The following SCPPPQ1 variants were observed in gnomAD, a reference collection of about 807,000 sequenced individuals.
SCPPPQ1 encodes the protein secretory calcium-binding phosphoprotein proline- and glutamine-rich 1.
chr4:87,470,266 C>T, the SCPPPQ1 span, among the ~76,000 whole-genome samples: 1 of 152,272 alleles, frequency 6.6e-6, no homozygotes, highest in South Asian at 2.1e-4. Flanking sequence ...GTGCTCAATT[C>T]TACTCACAAA....
the SCPPPQ1 span, among the ~76,000 whole-genome samples, chr4:87,465,253 T>C: frequency 3.9e-5 from 6 of 152,156 alleles, no homozygotes; most frequent in Non-Finnish European, 8.8e-5. Context: ...AATTAAGTGC[T>C]TTTTCTACTG....
At chr4:87,467,040 TG>T in the SCPPPQ1 span, among the ~76,000 whole-genome samples, 1 of 152,208 alleles carries the variant, frequency 6.6e-6, no homozygotes, top group African/African-American at 2.4e-5. Context: ...CCCATGCACT[TG>T]CTGTTCCTCT....
At chr4:87,465,233 T>C in the SCPPPQ1 span, among the ~76,000 whole-genome samples, 1 of 152,298 alleles carries the variant, frequency 6.6e-6, no homozygotes, top group Non-Finnish European at 1.5e-5. Flanking sequence ...CTCCAGATCA[T>C]TTAACTTCAA....
the SCPPPQ1 span, among the ~76,000 whole-genome samples, chr4:87,467,512 A>G: frequency 6.6e-3 from 1,003 of 152,306 alleles, 7 homozygotes; most frequent in African/African-American, 0.023. Flanking sequence ...ATATTATAGA[A>G]AGAAGTATTC....
the SCPPPQ1 span, among the ~76,000 whole-genome samples, chr4:87,462,520 T>C: frequency 6.6e-6 from 1 of 152,136 alleles, no homozygotes; most frequent in African/African-American, 2.4e-5. Flanking sequence ...GGTATGTATT[T>C]TACATGAAAG....
chr4:87,462,065 TTC>T, the SCPPPQ1 span: 2 of 152,226 alleles, frequency 1.3e-5, no homozygotes, highest in Non-Finnish European at 2.9e-5. Context: ...TTCACCACAA[TTC>T]CTTCTTCACC....
the SCPPPQ1 span, among the ~76,000 whole-genome samples, chr4:87,470,605 G>A: frequency 1.6e-4 from 24 of 152,120 alleles, no homozygotes; most frequent in South Asian, 2.1e-4. Context: ...TTTAAAAATC[G>A]CACTTAATTC....
the SCPPPQ1 span, among the ~76,000 whole-genome samples, chr4:87,466,611 A>G: frequency 6.6e-6 from 1 of 152,244 alleles, no homozygotes; most frequent in Non-Finnish European, 1.5e-5. Flanking sequence ...TTTGAAATTA[A>G]ATGCAAGCAA....
At chr4:87,468,764 A>G in the SCPPPQ1 span, among the ~76,000 whole-genome samples, 4 of 152,262 alleles carry the variant, frequency 2.6e-5, no homozygotes, top group African/African-American at 2.4e-5. Flanking sequence ...CAAAAAGTAC[A>G]TATTAGAATT....
At chr4:87,468,851 C>T in the SCPPPQ1 span, among the ~76,000 whole-genome samples, 9 of 152,136 alleles carry the variant, frequency 5.9e-5, no homozygotes, top group African/African-American at 9.6e-5. Context: ...TTTTAGACCA[C>T]GATACTTGCC....
At chr4:87,470,723 T>G in the SCPPPQ1 span, among the ~76,000 whole-genome samples, 1 of 152,232 alleles carries the variant, frequency 6.6e-6, no homozygotes, top group Non-Finnish European at 1.5e-5. Flanking sequence ...CTCCAGCATT[T>G]GAGGCAAGTT....
At chr4:87,467,404 T>G in the SCPPPQ1 span, among the ~76,000 whole-genome samples, 1 of 151,708 alleles carries the variant, frequency 6.6e-6, no homozygotes, top group Non-Finnish European at 1.5e-5. Context: ...AAATAACTAT[T>G]TTGCTTGAAC....
chr4:87,470,402 A>C, the SCPPPQ1 span, among the ~76,000 whole-genome samples: 1 of 152,170 alleles, frequency 6.6e-6, no homozygotes, highest in Non-Finnish European at 1.5e-5. Context: ...TGTGAGACTT[A>C]CCAGGCCTTC....
the SCPPPQ1 span, among the ~76,000 whole-genome samples, chr4:87,461,489 AGTT>A: frequency 2.6e-5 from 4 of 152,152 alleles, no homozygotes; most frequent in Non-Finnish European, 5.9e-5. Flanking sequence ...GCATTGTTGA[AGTT>A]GTTTGTGTAA....
chr4:87,467,558 A>G, the SCPPPQ1 span, among the ~76,000 whole-genome samples: 1 of 152,242 alleles, frequency 6.6e-6, no homozygotes, highest in Non-Finnish European at 1.5e-5. Flanking sequence ...GGTCAAAGTA[A>G]TTCAGCACAA....
At chr4:87,468,610 CAT>C in the SCPPPQ1 span, among the ~76,000 whole-genome samples, 2 of 152,156 alleles carry the variant, frequency 1.3e-5, no homozygotes, top group Admixed American at 6.5e-5. Flanking sequence ...TACAGTATTT[CAT>C]ATATTCTTAG....
the SCPPPQ1 span, among the ~76,000 whole-genome samples, chr4:87,461,594 G>A: frequency 6.6e-6 from 1 of 152,150 alleles, no homozygotes; most frequent in Non-Finnish European, 1.5e-5. Context: ...TTGAGCTTTT[G>A]AAAGCATTTC....
At chr4:87,462,414 CCTGTTT>C in the SCPPPQ1 span, 3 of 152,286 alleles carry the variant, frequency 2.0e-5, no homozygotes, top group East Asian at 5.8e-4. Context: ...ATAGCAAGAT[CCTGTTT>C]CTTAAAAATA....
At chr4:87,466,363 C>G in the SCPPPQ1 span, among the ~76,000 whole-genome samples, 3 of 151,894 alleles carry the variant, frequency 2.0e-5, no homozygotes, top group Admixed American at 6.6e-5. Flanking sequence ...GAGAGAGACT[C>G]TGTCTCAAAA....
Sources: gnomAD v4.1 joint callset for allele counts (sites outside exome capture counted in the v4.1 genomes callset) on GRCh38, gnomAD v4.1.1 for gene constraint, MANE v1.5 for transcripts, NCBI Gene and HGNC (gene_info 2026-07-23, HGNC 2026-07-21) for gene names.